The following KMT2C variants were observed in gnomAD, a reference collection of about 807,000 sequenced individuals.
The protein encoded by KMT2C is histone-lysine N-methyltransferase 2C.
Under a neutral mutation model 507.9 loss-of-function variants are expected in KMT2C, and 88 were observed. That is an observed-to-expected ratio of 0.17 (90% CI 0.15 to 0.21). The LOEUF is 0.21. Among genes scored for constraint, KMT2C ranks in the 10% least tolerant of loss-of-function variants. The pLI is 1.00. For missense variants in KMT2C, 4,954 were observed against 5,957.8 expected (o/e 0.83, Z 5.55); for synonymous variants, 2,049 against 2,080.8 (o/e 0.98, Z 0.42).
At chr7:152,154,541 G>C in intron 46 of KMT2C, 96 bp from the exon 47 acceptor site, 1 of 1,016,126 alleles carries the variant, frequency 9.8e-7, no homozygotes, top group Non-Finnish European at 1.5e-6. Flanking sequence ...CAGCTGTAAG[G>C]ATACTCTGGG....
At chr7:152,300,296 T>G (rs1314037813) in intron 6 of KMT2C, among the ~76,000 whole-genome samples, 1 of 152,238 alleles carries the variant, frequency 6.6e-6, no homozygotes, top group East Asian at 1.9e-4. Flanking sequence ...TCTGAGAACT[T>G]GAATTTCAAG....
intron 15 of KMT2C, 92 bp from the exon 16 acceptor site, chr7:152,236,025 T>C (rs1223356846): frequency 2.8e-6 from 2 of 717,908 alleles, no homozygotes; most frequent in Non-Finnish European, 2.4e-6. Flanking sequence ...TTTTATTAAA[T>C]GTTACACAAA....
chr7:152,374,708 G>A (rs1033478914), intron 1 of KMT2C, among the ~76,000 whole-genome samples: 5 of 151,828 alleles, frequency 3.3e-5, no homozygotes, highest in Admixed American at 3.3e-4. Flanking sequence ...AGACCAGCCT[G>A]GCCAATATGG....
intron 2 of KMT2C, among the ~76,000 whole-genome samples, chr7:152,354,509 T>G (rs2097137573): frequency 6.6e-6 from 1 of 152,174 alleles, no homozygotes; most frequent in Non-Finnish European, 1.5e-5. Context: ...AAATTAAATG[T>G]CCTATCTGTT....
intron 1 of KMT2C, among the ~76,000 whole-genome samples, chr7:152,376,561 A>G (rs1257935922): frequency 2.0e-5 from 3 of 152,372 alleles, no homozygotes; most frequent in East Asian, 3.9e-4. Context: ...TAAACCAGCC[A>G]TAACATTCCC....
intron 23 of KMT2C, among the ~76,000 whole-genome samples, chr7:152,208,660 C>T (rs549278711): frequency 5.9e-5 from 9 of 152,238 alleles, no homozygotes; most frequent in Admixed American, 2.6e-4. Context: ...ATATGCTTTA[C>T]ATTGTATTAC....
At chr7:152,255,152 T>TATATATAC (rs2095638870) in intron 9 of KMT2C, among the ~76,000 whole-genome samples, 3 of 135,104 alleles carry the variant, frequency 2.2e-5, no homozygotes, top group Middle Eastern at 4.0e-3. Context: ...TATACATATA[T>TATATATAC]ATATATGTGT....
chr7:152,210,299 C>T (rs1159123832), intron 23 of KMT2C, among the ~76,000 whole-genome samples: 2 of 152,188 alleles, frequency 1.3e-5, no homozygotes, highest in African/African-American at 2.4e-5. Context: ...ACTTACAAAT[C>T]GACAAGCACC....
intron 24 of KMT2C, among the ~76,000 whole-genome samples, chr7:152,206,628 G>A (rs2094315791): frequency 6.6e-6 from 1 of 151,984 alleles, no homozygotes; most frequent in Non-Finnish European, 1.5e-5. Flanking sequence ...ACTGCCTAAG[G>A]AAAGCCTACT....
chr7:152,196,247 T>C (rs572566464), intron 27 of KMT2C, among the ~76,000 whole-genome samples: 1 of 152,278 alleles, frequency 6.6e-6, no homozygotes, highest in African/African-American at 2.4e-5. Flanking sequence ...TGAGACAAAA[T>C]TTAAAGACCT....
At chr7:152,194,331 T>C in intron 29 of KMT2C, 70 bp from the exon 30 acceptor site, 1 of 1,368,318 alleles carries the variant, frequency 7.3e-7, no homozygotes, top group Non-Finnish European at 1.0e-6. Context: ...TAAAATAGTA[T>C]TTAACTGACA....
intron 1 of KMT2C, among the ~76,000 whole-genome samples, chr7:152,433,088 C>T (rs1410052554): frequency 6.7e-6 from 1 of 150,344 alleles, no homozygotes; most frequent in South Asian, 2.1e-4. Context: ...GCAGAGGTTG[C>T]GGTGAGCCGA....
At chr7:152,341,911 AAAT>A (rs777139935) in intron 2 of KMT2C, among the ~76,000 whole-genome samples, 1 of 152,174 alleles carries the variant, frequency 6.6e-6, no homozygotes, top group Non-Finnish European at 1.5e-5. Flanking sequence ...CCACTTTTTA[AAAT>A]AATAATATCA....
At chr7:152,343,657 T>C (rs1185469494) in intron 2 of KMT2C, among the ~76,000 whole-genome samples, 1 of 151,328 alleles carries the variant, frequency 6.6e-6, no homozygotes, top group Admixed American at 6.6e-5. Context: ...AACCACAGAA[T>C]ACTGAAAAAA....
intron 1 of KMT2C, among the ~76,000 whole-genome samples, chr7:152,388,107 A>T (rs2097449395): frequency 6.9e-6 from 1 of 145,434 alleles, no homozygotes; most frequent in Admixed American, 6.9e-5. Flanking sequence ...AAAAAAAAAA[A>T]ATAAATAAAT....
At chr7:152,358,258 A>G (rs915551614) in intron 2 of KMT2C, among the ~76,000 whole-genome samples, 2 of 152,058 alleles carry the variant, frequency 1.3e-5, no homozygotes, top group South Asian at 4.1e-4. Flanking sequence ...TTAAACAAAC[A>G]CTAGATGGTT....
intron 31 of KMT2C, among the ~76,000 whole-genome samples, chr7:152,190,370 T>C (rs976088229): frequency 6.6e-6 from 1 of 152,216 alleles, no homozygotes; most frequent in Admixed American, 6.5e-5. Flanking sequence ...TATTAACATA[T>C]TGAAACTTTT....
intron 2 of KMT2C, among the ~76,000 whole-genome samples, chr7:152,346,654 C>A (rs1240420655): frequency 6.6e-6 from 1 of 152,140 alleles, no homozygotes; most frequent in African/African-American, 2.4e-5. Context: ...GCTCCAACCC[C>A]CCCACCACAC....
chr7:152,353,032 G>T (rs761263408), intron 2 of KMT2C, among the ~76,000 whole-genome samples: 1 of 152,090 alleles, frequency 6.6e-6, no homozygotes, highest in Non-Finnish European at 1.5e-5. Flanking sequence ...GAAAAAAAAA[G>T]TTTCTCTTCT....
Sources: gnomAD v4.1 joint callset for allele counts (sites outside exome capture counted in the v4.1 genomes callset) on GRCh38, gnomAD v4.1.1 for gene constraint, MANE v1.5 for transcripts, NCBI Gene and HGNC (gene_info 2026-07-23, HGNC 2026-07-21) for gene names.